GPATCH8: variants seen among roughly 807,000 people sequenced by gnomAD.
GPATCH8 encodes the protein G patch domain-containing protein 8.
Under a neutral mutation model 118.3 loss-of-function variants are expected in GPATCH8, and 18 were observed. The ratio of observed to expected loss-of-function variants is 0.15; its 90% CI spans 0.11 to 0.23. GPATCH8 has a LOEUF of 0.23. GPATCH8 is among the 10% of genes least tolerant of loss of function. The probability of loss-of-function intolerance (pLI) is 1.00; values close to 1 mark genes in which losing one functional copy is unlikely to be tolerated. For synonymous variants in GPATCH8, 659 were observed against 684.7 expected, an observed-to-expected ratio of 0.96 and a Z score of 0.59; for missense variants, 1,631 against 1,873.8, an observed-to-expected ratio of 0.87 and a Z score of 2.39.
chr17:44,451,720 G>A (rs2051117764), intron 3 of GPATCH8, among the ~76,000 whole-genome samples: 1 of 152,066 alleles, frequency 6.6e-6, no homozygotes, highest in African/African-American at 2.4e-5. Flanking sequence ...AGTTTCTAGT[G>A]AATTTATACT....
intron 2 of GPATCH8, among the ~76,000 whole-genome samples, chr17:44,469,395 C>T (rs954547578): frequency 6.6e-6 from 1 of 152,162 alleles, no homozygotes; most frequent in Non-Finnish European, 1.5e-5. Context: ...ACCACCAATA[C>T]ACATGTATGA....
chr17:44,468,032 C>T (rs911971577), intron 2 of GPATCH8, among the ~76,000 whole-genome samples: 5 of 148,960 alleles, frequency 3.4e-5, no homozygotes, highest in Admixed American at 6.7e-5. Flanking sequence ...GACGGAGTCT[C>T]ACTCTGTAGC....
chr17:44,414,184 T>TA (rs1334199431), intron 6 of GPATCH8, among the ~76,000 whole-genome samples: 1 of 149,514 alleles, frequency 6.7e-6, no homozygotes, highest in African/African-American at 2.4e-5. Flanking sequence ...AACATATACA[T>TA]ACACACATGT....
At chr17:44,448,220 AC>A (rs948459897) in intron 3 of GPATCH8, among the ~76,000 whole-genome samples, 5 of 152,142 alleles carry the variant, frequency 3.3e-5, no homozygotes, top group Non-Finnish European at 7.3e-5. Context: ...TAATGAAACA[AC>A]CCCATTTACA....
intron 1 of GPATCH8, among the ~76,000 whole-genome samples, chr17:44,481,018 T>C (rs1184683026): frequency 6.6e-6 from 1 of 152,172 alleles, no homozygotes; most frequent in East Asian, 1.9e-4. Context: ...TAAGCAATCC[T>C]TCCCATTTCA....
At chr17:44,453,730 C>A (rs2051222524) in intron 3 of GPATCH8, among the ~76,000 whole-genome samples, 1 of 152,036 alleles carries the variant, frequency 6.6e-6, no homozygotes, top group Non-Finnish European at 1.5e-5. Flanking sequence ...CAGGGTCTCA[C>A]TATGTTGCCC....
intron 1 of GPATCH8, among the ~76,000 whole-genome samples, chr17:44,494,279 T>C (rs1266596210): frequency 1.3e-5 from 2 of 151,990 alleles, no homozygotes; most frequent in Admixed American, 6.6e-5. Context: ...TCCTCATTCA[T>C]CTCCTTACCA....
chr17:44,425,270 T>A (rs1383796718), intron 5 of GPATCH8, among the ~76,000 whole-genome samples: 1 of 152,208 alleles, frequency 6.6e-6, no homozygotes, highest in Non-Finnish European at 1.5e-5. Context: ...ACTTTCATAA[T>A]GAGCAACTCC....
chr17:44,421,275 AG>A lies in GPATCH8; in HGVS notation c.492+3073del, dbSNP rs1795768776. The stretch of plus-strand genomic sequence containing the variant: ...AGAATCGCTTGAACCCAGGAGGCGG[AG>A]GTTGCAGTGAGCCGAGATCGCGCCA... On this transcript the variant is annotated intron_variant, in intron 6 of 7. Transcript: ENST00000591680. 3.3e-5 allele frequency among the ~76,000 whole-genome samples: 5 copies of A among 150,860 alleles called. No individual in the cohort carries two copies. In the South Asian group the frequency reaches 1.1e-3, roughly 33 times the overall value.
At chr17:44,473,966 T>G (rs1967521590) in intron 2 of GPATCH8, among the ~76,000 whole-genome samples, 1 of 152,206 alleles carries the variant, frequency 6.6e-6, no homozygotes, top group Non-Finnish European at 1.5e-5. Flanking sequence ...AAGAAGCTAG[T>G]GTTTCTTAAG....
At position 44,399,498 on chromosome 17, in the gene GPATCH8, T is replaced by C. The variant is rs1206220752; in HGVS notation, c.2579A>G (p.His860Arg). The C allele has an allele frequency of 6.2e-7, 1 of 1,614,062 alleles. No individual in the cohort carries two copies. The highest frequency in any genetic ancestry group is 2.2e-5 in the East Asian group (1 of 44,886). The change falls in exon 8 of 8, where the codon CAT becomes CGT. Residue 860 changes from histidine to arginine, a missense_variant. By Grantham distance (29) the His-to-Arg change is conservative. This residue lies in a region of GPATCH8 where 922 missense variants were observed against 879.7 expected (regional missense o/e 1.05). Transcript: ENST00000591680. ...ACGCCGGGAGGAACGATGCGAGGAA[T>C]GGCGCCGGCCAGACCTTGAGCGGCT... ...SRSRSRSGRRHSSHRSSRRSY... is the reference protein window; with the variant it reads ...SRSRSRSGRRRSSHRSSRRSY...
In GPATCH8 at chr17:44,399,001, T is replaced by C. The variant is rs761606340; in HGVS notation, c.3076A>G (p.Ile1026Val). The change falls in exon 8 of 8, where the codon ATT becomes GTT. Residue 1026 changes from isoleucine to valine, a missense_variant. By Grantham distance (29) the Ile-to-Val change is conservative. Around this residue, in one of 8 missense-constraint regions of GPATCH8, gnomAD observed 922 missense variants for 879.7 expected, o/e 1.05. Transcript: ENST00000591680. ...EERHSGRRDF[I>V]RSKIYRSQSP... ...TGGGAGCGGTAGATCTTAGAACGAA[T>C]GAAGTCCCGACGCCCAGAATGCCTC... 2.5e-6 allele frequency: 4 copies of C among 1,614,040 alleles called. No homozygotes were observed. In the South Asian group the frequency reaches 3.3e-5, roughly 13 times the overall value.
chr17:44,430,687 GGCTGGA>G (rs2050274870), intron 5 of GPATCH8, among the ~76,000 whole-genome samples: 1 of 151,862 alleles, frequency 6.6e-6, no homozygotes, highest in Non-Finnish European at 1.5e-5. Context: ...CTGTCGCCCA[GGCTGGA>G]GTGCAGTGGT....
chr17:44,487,366 C>T (rs1171767078), intron 1 of GPATCH8, among the ~76,000 whole-genome samples: 1 of 152,136 alleles, frequency 6.6e-6, no homozygotes, highest in Non-Finnish European at 1.5e-5. Flanking sequence ...GAATAATATT[C>T]CATTGGTATA....
chr17:44,435,071 CT>C lies in GPATCH8; in HGVS notation c.341del (p.Lys114SerfsTer53). 1.5e-6 allele frequency: 2 copies of C among 1,346,706 alleles called. No homozygotes were observed. Among genetic ancestry groups the C allele is most frequent in the Non-Finnish European group, 2.1e-6 (2 of 935,686 alleles). 83.4% of individuals were successfully genotyped at this position (1,346,706 alleles called of 1,614,324 possible). A position where few individuals can be genotyped will look rare whatever the true frequency, so the allele number is the denominator to read the frequency against. ...EKEDTEELRQ[K>X]YKDYVDKEKA... ...AATAGCTTTGTTTAAATACCTTGTA[CT>C]TTTGTCTCAGCTCTTCTGTGTCTTC... On this transcript the variant is annotated frameshift_variant, in exon 5 of 8. Coordinates refer to ENST00000591680, the MANE Select transcript of GPATCH8 (RefSeq NM_001002909.4). LOFTEE classifies it high-confidence loss of function.
intron 2 of GPATCH8, chr17:44,467,046 A>T: frequency 1.2e-6 from 1 of 865,754 alleles, no homozygotes; most frequent in Non-Finnish European, 1.7e-6. Context: ...ATGAAGCAGT[A>T]TGCTATTTCC....
chr17:44,442,068 T>C (rs1243313591), intron 3 of GPATCH8, among the ~76,000 whole-genome samples: 5 of 134,988 alleles, frequency 3.7e-5, no homozygotes, highest in East Asian at 2.1e-4. Context: ...AATATATATA[T>C]ACACATATAT....
intron 7 of GPATCH8, 32 bp downstream of exon 7, chr17:44,405,889 C>T (rs72824744): frequency 1.8e-5 from 26 of 1,442,804 alleles, no homozygotes; most frequent in Non-Finnish European, 2.5e-5. Context: ...TTATAATTAT[C>T]TGTACAACCC....
chr17:44,396,714 T>TACAAAAAGCAGCA lies in GPATCH8; in HGVS notation c.*853_*854insTGCTGCTTTTTGT, dbSNP rs1342224240. 4.5e-6 allele frequency: 2 copies of TACAAAAAGCAGCA among 445,604 alleles called. No homozygotes were observed. Among genetic ancestry groups the TACAAAAAGCAGCA allele is most frequent in the Non-Finnish European group, 8.9e-6 (2 of 224,516 alleles). The allele number at this position is 445,604 out of a possible 1,614,324, so 27.6% of individuals were successfully genotyped here. Reference sequence around the variant, plus strand: ...TGCAGTATACTACAAATATGGAACCTTTTTTATATGAGCTACAAAAAGCAG... The same window carrying TACAAAAAGCAGCA: ...TGCAGTATACTACAAATATGGAACCTACAAAAAGCAGCATTTTTATATGAGCTACAAAAAGCAG... On this transcript the variant is annotated 3_prime_UTR_variant, in exon 8 of 8. Coordinates refer to ENST00000591680, the MANE Select transcript of GPATCH8 (RefSeq NM_001002909.4).
Sources: allele counts gnomAD v4.1 joint callset (sites outside exome capture counted in the v4.1 genomes callset), GRCh38; gene constraint gnomAD v4.1.1; regional missense constraint gnomAD v4.1.1; transcripts MANE v1.5; gene names NCBI Gene and HGNC (gene_info 2026-07-23, HGNC 2026-07-21).